Variants in EIF3E observed in about 807,000 individuals in gnomAD.
EIF3E encodes eukaryotic translation initiation factor 3 subunit E.
EIF3E carries 25 observed loss-of-function variants against 59.3 expected under a neutral mutation model. That is an observed-to-expected ratio of 0.42 (90% CI 0.31 to 0.59). The LOEUF (loss-of-function observed/expected upper bound fraction) is 0.59, where lower values mean the gene tolerates loss of function less well. Among genes scored for constraint, EIF3E ranks in the 20% least tolerant of loss-of-function variants. The pLI, the probability that EIF3E is intolerant of heterozygous loss-of-function variation, is 0.15. For synonymous variants in EIF3E, 176 were observed against 170.2 expected (o/e 1.03, Z -0.26); for missense variants, 317 against 534.3 (o/e 0.59, Z 4.01).
chr8:108,225,676 C>T (rs1383000402), intron 7 of EIF3E, among the ~76,000 whole-genome samples: 1 of 151,530 alleles, frequency 6.6e-6, no homozygotes, highest in Non-Finnish European at 1.5e-5. Flanking sequence ...AGAATATTCA[C>T]AATTATCGGA....
intron 10 of EIF3E, among the ~76,000 whole-genome samples, chr8:108,208,139 C>A (rs1815137373): frequency 6.6e-6 from 1 of 152,128 alleles, no homozygotes; most frequent in Non-Finnish European, 1.5e-5. Context: ...CATCTTCCCC[C>A]AACCTCTCAT....
intron 3 of EIF3E, among the ~76,000 whole-genome samples, chr8:108,237,320 C>T (rs535414822): frequency 1.3e-5 from 2 of 152,206 alleles, no homozygotes; most frequent in African/African-American, 2.4e-5. Context: ...GGTGTAATCT[C>T]GGCTCACTGC....
intron 7 of EIF3E, chr8:108,221,711 A>G (rs781147012): frequency 5.3e-5 from 8 of 152,054 alleles, no homozygotes; most frequent in Non-Finnish European, 1.2e-4. Context: ...GTAAACTGAG[A>G]AGAGTATGAG....
chr8:108,205,599 A>C (rs1240758074), intron 10 of EIF3E, among the ~76,000 whole-genome samples: 2 of 152,218 alleles, frequency 1.3e-5, no homozygotes, highest in Non-Finnish European at 2.9e-5. Context: ...GATAAGCTTT[A>C]AATTGTAAAC....
chr8:108,217,371 C>T lies in EIF3E; in HGVS notation c.812G>A (p.Arg271Gln), dbSNP rs754526180. Residue 271 changes from arginine (R) to glutamine (Q), a missense_variant, in exon 8 of 13, where the codon CGG becomes CAG. Transcript: ENST00000220849. ...VITNKDVRKRRQVLKDLVKVI... is the reference protein window; with the variant it reads ...VITNKDVRKRQQVLKDLVKVI... ...TTTAACTAGATCTTTTAGAACCTGC[C>T]GACGTTTTCGAACATCCTTGTTTGT... is the stretch of plus-strand genomic sequence containing the variant. 1.3e-6 allele frequency: 2 copies of T among 1,582,462 alleles called. No individual in the cohort carries two copies. The highest frequency in any genetic ancestry group is 2.3e-5 in the East Asian group (1 of 43,574).
intron 5 of EIF3E, among the ~76,000 whole-genome samples, chr8:108,232,910 T>C (rs1215977103): frequency 2.0e-5 from 3 of 152,170 alleles, no homozygotes; most frequent in Non-Finnish European, 4.4e-5. Context: ...TGACACTAAA[T>C]CTTCATTCTC....
At chr8:108,242,347 C>T in intron 1 of EIF3E, 1 of 1,289,530 alleles carries the variant, frequency 7.8e-7, no homozygotes, top group Non-Finnish European at 1.0e-6. Context: ...CTGAAACAAC[C>T]TGCACCAAGT....
intron 11 of EIF3E, 67 bp from the exon 12 acceptor site, chr8:108,203,184 G>C (rs1008137886): frequency 3.9e-5 from 61 of 1,554,516 alleles, no homozygotes; most frequent in Non-Finnish European, 5.2e-5. Context: ...TAAGTAAAAA[G>C]CATGACATAC....
At chr8:108,205,220 A>G (rs1815077674) in intron 10 of EIF3E, among the ~76,000 whole-genome samples, 1 of 152,144 alleles carries the variant, frequency 6.6e-6, no homozygotes, top group South Asian at 2.1e-4. Context: ...GTTTTACTGA[A>G]TATCTGCTTC....
intron 10 of EIF3E, among the ~76,000 whole-genome samples, chr8:108,209,096 A>G (rs201536082): frequency 9.3e-6 from 1 of 107,238 alleles, no homozygotes; most frequent in Non-Finnish European, 1.9e-5. Context: ...CCAAATTACA[A>G]ATAGAGTTAT....
intron 3 of EIF3E, among the ~76,000 whole-genome samples, chr8:108,239,491 C>G (rs1043170290): frequency 6.6e-6 from 1 of 152,148 alleles, no homozygotes. Context: ...TGTGAGCCAC[C>G]ACACAGTGGA....
chr8:108,209,684 A>G (rs1245178228), intron 10 of EIF3E, among the ~76,000 whole-genome samples: 1 of 152,180 alleles, frequency 6.6e-6, no homozygotes, highest in African/African-American at 2.4e-5. Flanking sequence ...AATTAATTAT[A>G]CCATAATCAT....
chr8:108,227,916 A>C (rs565333753), intron 7 of EIF3E: 1 of 169,474 alleles, frequency 5.9e-6, no homozygotes, highest in East Asian at 1.6e-4. Flanking sequence ...AGTATGCCCT[A>C]GAGCCTCATT....
At chr8:108,248,254 C>T (rs1212696867) in intron 1 of EIF3E, among the ~76,000 whole-genome samples, 5 of 152,230 alleles carry the variant, frequency 3.3e-5, no homozygotes, top group African/African-American at 1.2e-4. Context: ...AAAGCTCTAA[C>T]AGCACTCCAG....
chr8:108,219,302 T>C (rs1303624761), intron 7 of EIF3E, among the ~76,000 whole-genome samples: 1 of 152,218 alleles, frequency 6.6e-6, no homozygotes, highest in Non-Finnish European at 1.5e-5. Flanking sequence ...TGTGAGTGTA[T>C]TTCAGAAGCC....
chr8:108,216,095 A>G (rs1196684016), intron 9 of EIF3E, among the ~76,000 whole-genome samples: 2 of 152,216 alleles, frequency 1.3e-5, no homozygotes, highest in Non-Finnish European at 2.9e-5. Flanking sequence ...GATTTAAGAC[A>G]TGAAATTATG....
chr8:108,201,750 A>T lies in EIF3E; in HGVS notation c.*135T>A. 2 of 718,074 alleles carry T rather than the reference A, an allele frequency of 2.8e-6. No individual in the cohort carries two copies. The highest frequency in any genetic ancestry group is 4.0e-6 in the Non-Finnish European group (2 of 495,834). The allele number at this position is 718,074 out of a possible 1,614,324, so 44.5% of individuals were successfully genotyped here. A position where few individuals can be genotyped will look rare whatever the true frequency, so the allele number is the denominator to read the frequency against. On this transcript the variant is annotated 3_prime_UTR_variant, in exon 13 of 13. Transcript: ENST00000220849. Reference sequence around the variant, plus strand: ...AGAAAACTGACAGCAAGATAAAATGAATCAATTTTATTCCAATTCTTCAAA... The same window carrying T: ...AGAAAACTGACAGCAAGATAAAATGTATCAATTTTATTCCAATTCTTCAAA...
intron 3 of EIF3E, among the ~76,000 whole-genome samples, chr8:108,239,582 T>C (rs755332587): frequency 6.6e-5 from 10 of 152,028 alleles, no homozygotes; most frequent in Non-Finnish European, 1.3e-4. Flanking sequence ...CTATGCACTG[T>C]AGGATGTTTA....
intron 9 of EIF3E, 114 bp downstream of exon 9, chr8:108,216,298 G>A (rs1201971234): frequency 1.3e-5 from 10 of 762,828 alleles, no homozygotes; most frequent in Non-Finnish European, 2.1e-5. Flanking sequence ...AGATTAATAA[G>A]CATATTTCCG....
Sources: allele counts gnomAD v4.1 joint callset (sites outside exome capture counted in the v4.1 genomes callset), GRCh38; gene constraint gnomAD v4.1.1; transcripts MANE v1.5; gene names NCBI Gene and HGNC (gene_info 2026-07-23, HGNC 2026-07-21).